Variants in LIMA1 observed in about 807,000 individuals in gnomAD.
LIMA1 encodes LIM domain and actin-binding protein 1.
In LIMA1, 52 loss-of-function variants were observed where a neutral mutation model predicts 62.6. The ratio of observed to expected loss-of-function variants is 0.83; its 90% CI spans 0.67 to 1.05. The LOEUF is 1.05. Among genes scored for constraint, LIMA1 ranks in the 50% least tolerant of loss-of-function variants. LIMA1 has a pLI of 0.00. For missense variants in LIMA1, 780 were observed against 902.2 expected (o/e 0.86, Z 1.74); for synonymous variants, 302 against 317.8 (o/e 0.95, Z 0.53).
In LIMA1 at chr12:50,193,631, C is replaced by CGTGT. The variant is rs67491136; in HGVS notation, c.1031-1074_1031-1071dup. On this transcript the variant is annotated intron_variant, in intron 8 of 10. Transcript: ENST00000341247. ...ATGTATATATATATACATATATATACGTGTGTGTGTGTGTGTGTGTATATA... is the reference window on the plus strand; with the variant it reads ...ATGTATATATATATACATATATATACGTGTGTGTGTGTGTGTGTGTGTGTATATA... Among the ~76,000 whole-genome samples the CGTGT allele has an allele frequency of 3.4e-4, 29 of 86,034 alleles. 1 individual carries two copies. Among genetic ancestry groups the CGTGT allele is most frequent in the Non-Finnish European group, 5.5e-4 (27 of 48,718 alleles). The allele number at this position is 86,034 out of a possible 152,430, so 56.4% of individuals were successfully genotyped here.
At chr12:50,241,660 A>C (rs1565855337) in intron 2 of LIMA1, among the ~76,000 whole-genome samples, 1 of 151,768 alleles carries the variant, frequency 6.6e-6, no homozygotes, top group East Asian at 1.9e-4. Context: ...ACAGGGAGAA[A>C]GGCTCTACAC....
At chr12:50,216,528 C>T (rs1374734890) in intron 4 of LIMA1, among the ~76,000 whole-genome samples, 1 of 152,100 alleles carries the variant, frequency 6.6e-6, no homozygotes, top group Non-Finnish European at 1.5e-5. Context: ...TGTGGCATTT[C>T]TTTTGACGAT....
At chr12:50,182,931 C>T (rs1940536961) in intron 9 of LIMA1, among the ~76,000 whole-genome samples, 3 of 152,140 alleles carry the variant, frequency 2.0e-5, no homozygotes, top group South Asian at 2.1e-4. Flanking sequence ...GGGCCAGGTG[C>T]GGTGGCTCAT....
At position 50,188,299 on chromosome 12, in the gene LIMA1, G is replaced by A. The variant is rs187490158; in HGVS notation, c.1140+4153C>T. ...TTCCCAAAGTGGAGAAACAACTTCT[G>A]TTCATAGTCTGCAGCCATGAGACCA... On this transcript the variant is annotated intron_variant, in intron 9 of 10. Coordinates refer to ENST00000341247, the MANE Select transcript of LIMA1 (RefSeq NM_016357.5). 1.9e-4 allele frequency: 29 copies of A among 152,286 alleles called. 3 individuals carry two copies. Among genetic ancestry groups the A allele is most frequent in the Admixed American group, 1.6e-3 (25 of 15,300 alleles). 9.4% of individuals were successfully genotyped at this position (152,286 alleles called of 1,614,324 possible). A position where few individuals can be genotyped will look rare whatever the true frequency, so the allele number is the denominator to read the frequency against.
intron 2 of LIMA1, among the ~76,000 whole-genome samples, chr12:50,246,194 T>C (rs1386776564): frequency 1.3e-5 from 2 of 148,724 alleles, no homozygotes; most frequent in Non-Finnish European, 3.0e-5. Flanking sequence ...ATTGCACTAT[T>C]GCACTCCAGT....
At chr12:50,238,413 T>C (rs1941726487) in intron 2 of LIMA1, among the ~76,000 whole-genome samples, 1 of 150,934 alleles carries the variant, frequency 6.6e-6, no homozygotes, top group Non-Finnish European at 1.5e-5. Context: ...AGGCTGAGGC[T>C]GGTGAATCAT....
At chr12:50,218,918 A>AC (rs1941397673) in intron 4 of LIMA1, among the ~76,000 whole-genome samples, 1 of 150,196 alleles carries the variant, frequency 6.7e-6, no homozygotes, top group Admixed American at 6.6e-5. Context: ...AACAAAAACA[A>AC]AAAAAAAACG....
At chr12:50,264,807 C>G (rs1942118814) in intron 1 of LIMA1, among the ~76,000 whole-genome samples, 1 of 152,128 alleles carries the variant, frequency 6.6e-6, no homozygotes, top group African/African-American at 2.4e-5. Flanking sequence ...GTTTAGCTTA[C>G]TTTATGTGTC....
intron 7 of LIMA1, 163 bp from the exon 8 acceptor site, chr12:50,196,050 G>C: frequency 1.6e-6 from 1 of 635,482 alleles, no homozygotes; most frequent in Non-Finnish European, 2.6e-6. Context: ...ATTTGAACAA[G>C]AGGCAGCAAA....
At chr12:50,211,331 C>G (rs1343813796) in intron 4 of LIMA1, among the ~76,000 whole-genome samples, 2 of 83,238 alleles carry the variant, frequency 2.4e-5, no homozygotes, top group African/African-American at 8.7e-5. Flanking sequence ...CCCACCCCCC[C>G]AAAAAAAAAA....
intron 9 of LIMA1, among the ~76,000 whole-genome samples, chr12:50,191,141 G>C (rs1358004946): frequency 1.3e-5 from 2 of 149,832 alleles, no homozygotes; most frequent in Non-Finnish European, 3.0e-5. Flanking sequence ...GCTAACCACA[G>C]GTTAAGATCA....
chr12:50,240,294 CG>C (rs1447285521), intron 2 of LIMA1, among the ~76,000 whole-genome samples: 1 of 151,910 alleles, frequency 6.6e-6, no homozygotes, highest in African/African-American at 2.4e-5. Flanking sequence ...GGCAATGAGG[CG>C]GGAGGCAGGG....
chr12:50,244,557 A>G (rs1443568049), intron 2 of LIMA1, among the ~76,000 whole-genome samples: 2 of 152,144 alleles, frequency 1.3e-5, no homozygotes, highest in African/African-American at 2.4e-5. Flanking sequence ...ATGTGTTTCT[A>G]TCAAGGGTCT....
At chr12:50,264,027 C>T (rs767163284) in intron 1 of LIMA1, among the ~76,000 whole-genome samples, 6 of 151,644 alleles carry the variant, frequency 4.0e-5, no homozygotes, top group South Asian at 2.1e-4. Flanking sequence ...GAATATTATT[C>T]GGCTATAAAG....
chr12:50,250,083 G>A (rs766602503), intron 1 of LIMA1, among the ~76,000 whole-genome samples: 3 of 151,936 alleles, frequency 2.0e-5, no homozygotes, highest in Non-Finnish European at 2.9e-5. Context: ...CTTGAGGTCT[G>A]AGGTCAGGAG....
chr12:50,191,518 CCT>C (rs1213945304), intron 9 of LIMA1, among the ~76,000 whole-genome samples: 2 of 151,022 alleles, frequency 1.3e-5, no homozygotes, highest in Non-Finnish European at 3.0e-5. Flanking sequence ...AGAGCAAGAC[CCT>C]GTCTCAAAAA....
At chr12:50,215,927 G>A (rs1002949196) in intron 4 of LIMA1, among the ~76,000 whole-genome samples, 1 of 151,932 alleles carries the variant, frequency 6.6e-6, no homozygotes, top group Non-Finnish European at 1.5e-5. Flanking sequence ...GTGCACACTT[G>A]TAATCCCAGC....
intron 1 of LIMA1, among the ~76,000 whole-genome samples, chr12:50,282,063 G>A (rs182988539): frequency 5.9e-5 from 9 of 152,290 alleles, no homozygotes; most frequent in Admixed American, 4.6e-4. Flanking sequence ...TACATTATAT[G>A]TTGTTCTATC....
chr12:50,201,137 C>T lies in LIMA1; in HGVS notation c.865-253G>A, dbSNP rs574103484. On this transcript the variant is annotated intron_variant, in intron 6 of 10. Transcript: ENST00000341247. ...TGGATTGCTCATTAGAATACAGACA[C>T]ATCAACACAGGCACACAGAACACCC... 1.5e-4 allele frequency: 185 copies of T among 1,219,342 alleles called. No homozygotes were observed. In the African/African-American group the frequency reaches 2.8e-3, roughly 18 times the overall value. 75.5% of individuals were successfully genotyped at this position (1,219,342 alleles called of 1,614,324 possible).
Sources: allele counts gnomAD v4.1 joint callset (sites outside exome capture counted in the v4.1 genomes callset), GRCh38; gene constraint gnomAD v4.1.1; transcripts MANE v1.5; gene names NCBI Gene and HGNC (gene_info 2026-07-23, HGNC 2026-07-21).